Variants in RALGPS1 observed in about 807,000 individuals in gnomAD.
RALGPS1 encodes ras-specific guanine nucleotide-releasing factor RalGPS1.
In RALGPS1, 19 loss-of-function variants were observed where a neutral mutation model predicts 78.8. The ratio of observed to expected loss-of-function variants is 0.24; its 90% CI spans 0.17 to 0.35. RALGPS1 has a LOEUF of 0.35. Among genes scored for constraint, RALGPS1 ranks in the 10% least tolerant of loss-of-function variants. RALGPS1 has a pLI of 1.00. For missense variants in RALGPS1, 454 were observed against 688.3 expected, an observed-to-expected ratio of 0.66 and a Z score of 3.81; for synonymous variants, 228 against 256.3, an observed-to-expected ratio of 0.89 and a Z score of 1.06.
In RALGPS1 at chr9:127,081,813, A is replaced by G. The variant is rs368945124; in HGVS notation, c.610+12457A>G. Among the ~76,000 whole-genome samples the G allele has an allele frequency of 9.6e-4, 146 of 152,296 alleles. 6 individuals are homozygous for G. The South Asian group carries it at 0.028, about 29-fold the overall frequency. ...AGCTGGATTTATTAATATCATGACC[A>G]TCAGCAAGCACAGCATGGGACAGGC... On this transcript the variant is annotated intron_variant, in intron 8 of 18. Coordinates refer to ENST00000259351, the MANE Select transcript of RALGPS1 (RefSeq NM_014636.3).
intron 4 of RALGPS1, among the ~76,000 whole-genome samples, chr9:127,033,945 C>A (rs890592217): frequency 1.3e-5 from 2 of 152,232 alleles, no homozygotes; most frequent in African/African-American, 4.8e-5. Context: ...AATCTGAGGT[C>A]ATACCAGAAG....
At position 127,091,954 on chromosome 9, in the gene RALGPS1, A is replaced by G; in HGVS notation, c.610+22598A>G. Reference sequence around the variant, plus strand: ...CCCAAACCCTTGCTGGGGAAAACCCAGGAGAGTGTTAATGTGGAGCCTGCA... The same window carrying G: ...CCCAAACCCTTGCTGGGGAAAACCCGGGAGAGTGTTAATGTGGAGCCTGCA... On this transcript the variant is annotated intron_variant, in intron 8 of 18. Coordinates refer to ENST00000259351, the MANE Select transcript of RALGPS1 (RefSeq NM_014636.3). The surrounding 1 kb of genome is among the most constrained non-coding windows in gnomAD (Gnocchi z 4.3). The G allele has an allele frequency of 1.2e-6, 2 of 1,612,724 alleles. No individual in the cohort carries two copies. The highest frequency in any genetic ancestry group is 1.7e-6 in the Non-Finnish European group (2 of 1,179,030).
chr9:127,153,301 C>T (rs1215070444), intron 8 of RALGPS1, among the ~76,000 whole-genome samples: 1 of 151,834 alleles, frequency 6.6e-6, no homozygotes. Context: ...GTCTCACTCA[C>T]CTCTTGATTC....
intron 1 of RALGPS1, among the ~76,000 whole-genome samples, chr9:126,961,336 GTAATGATAGGACC>G (rs1181275587): frequency 6.6e-6 from 1 of 152,168 alleles, no homozygotes; most frequent in East Asian, 1.9e-4. Flanking sequence ...GCAATAGGGT[GTAATGATAGGACC>G]TACTTCAGGA....
intron 8 of RALGPS1, among the ~76,000 whole-genome samples, chr9:127,085,481 C>G (rs1215393850): frequency 3.3e-5 from 5 of 152,178 alleles, no homozygotes; most frequent in African/African-American, 1.2e-4. Context: ...GGACAGAGCC[C>G]TCCTGCCCCA....
At chr9:127,017,456 A>G (rs2044959961) in intron 4 of RALGPS1, among the ~76,000 whole-genome samples, 1 of 152,274 alleles carries the variant, frequency 6.6e-6, no homozygotes, top group Non-Finnish European at 1.5e-5. Flanking sequence ...TTCCAAGACT[A>G]GAAGTTGTTC....
chr9:127,193,594 T>C (rs922921044), intron 11 of RALGPS1, among the ~76,000 whole-genome samples: 3 of 152,108 alleles, frequency 2.0e-5, no homozygotes, highest in African/African-American at 7.2e-5. Context: ...CTTCCCACAG[T>C]ATACGGGCTG....
chr9:127,004,458 T>G (rs549329503), intron 4 of RALGPS1, among the ~76,000 whole-genome samples: 1 of 152,364 alleles, frequency 6.6e-6, no homozygotes, highest in Non-Finnish European at 1.5e-5. Context: ...AACAATCTTC[T>G]GTGGAAACAT....
chr9:126,962,494 G>T, intron 2 of RALGPS1, 148 bp downstream of exon 2: 1 of 799,684 alleles, frequency 1.3e-6, no homozygotes, highest in Non-Finnish European at 2.0e-6. Flanking sequence ...CATGCCAGGC[G>T]TGAGATTTGG....
chr9:126,991,181 C>T (rs889400914), intron 4 of RALGPS1, among the ~76,000 whole-genome samples: 2 of 152,156 alleles, frequency 1.3e-5, no homozygotes, highest in Admixed American at 1.3e-4. Context: ...AGTTTCTTGT[C>T]ACAGTGGAAA....
At chr9:127,159,868 T>G (rs1014108536) in intron 8 of RALGPS1, among the ~76,000 whole-genome samples, 1 of 152,256 alleles carries the variant, frequency 6.6e-6, no homozygotes, top group Admixed American at 6.5e-5. Flanking sequence ...GAAAGTGATC[T>G]TTTTAAGGCA....
At chr9:127,016,644 C>A (rs1362374457) in intron 4 of RALGPS1, 4 of 152,226 alleles carry the variant, frequency 2.6e-5, no homozygotes. Flanking sequence ...ATGACAAGCC[C>A]TACCTCCTTT....
At chr9:127,180,788 C>G (rs911572259) in intron 11 of RALGPS1, among the ~76,000 whole-genome samples, 1 of 152,248 alleles carries the variant, frequency 6.6e-6, no homozygotes, top group African/African-American at 2.4e-5. Flanking sequence ...CATGCATAGA[C>G]TCTGTCGGTC....
intron 1 of RALGPS1, among the ~76,000 whole-genome samples, chr9:126,926,498 CAG>C (rs2035295030): frequency 6.6e-6 from 1 of 152,024 alleles, no homozygotes; most frequent in Non-Finnish European, 1.5e-5. Flanking sequence ...GGATGGTGGA[CAG>C]TGTGGTGTTG....
intron 11 of RALGPS1, among the ~76,000 whole-genome samples, chr9:127,177,632 C>A (rs992441571): frequency 2.6e-5 from 4 of 152,184 alleles, no homozygotes; most frequent in Non-Finnish European, 4.4e-5. Flanking sequence ...GCTCCCGCTG[C>A]TAGGGGTAGG....
intron 11 of RALGPS1, 27 bp downstream of exon 11, chr9:127,174,809 A>T (rs750018304): frequency 3.1e-6 from 5 of 1,601,578 alleles, no homozygotes; most frequent in Non-Finnish European, 4.3e-6. Flanking sequence ...GAGTGGGAGC[A>T]AACCCACTTA....
chr9:127,183,816 G>A lies in RALGPS1; in HGVS notation c.910+9034G>A. 6.7e-7 allele frequency: 1 copy of A among 1,490,880 alleles called. No homozygotes were observed. Among genetic ancestry groups the A allele is most frequent in the Non-Finnish European group, 9.0e-7 (1 of 1,110,454 alleles). 92.4% of individuals were successfully genotyped at this position (1,490,880 alleles called of 1,614,324 possible). On this transcript the variant is annotated intron_variant, in intron 11 of 18. Coordinates refer to ENST00000259351, the MANE Select transcript of RALGPS1 (RefSeq NM_014636.3). This position sits in a 1 kb window ranked among gnomAD's most constrained non-coding sequence, Gnocchi z 4.0. ...CTCCATGAGGACCTCAGGGATAGGA[G>A]GCCAGTTGTGGCCCATTACTCTGGG...
chr9:126,933,533 T>C (rs544743679), intron 1 of RALGPS1, among the ~76,000 whole-genome samples: 4 of 151,874 alleles, frequency 2.6e-5, no homozygotes, highest in African/African-American at 9.7e-5. Context: ...CAGCTGGGAG[T>C]GCACCCCAAG....
chr9:127,088,825 C>A, intron 8 of RALGPS1: 2 of 1,243,480 alleles, frequency 1.6e-6, no homozygotes, highest in South Asian at 1.4e-5. Context: ...ATCCAGCATC[C>A]CGGTCCTCCC....
Sources: gnomAD v4.1 joint callset for allele counts (sites outside exome capture counted in the v4.1 genomes callset) on GRCh38, gnomAD v4.1.1 for gene constraint, Gnocchi (gnomAD v3.1) non-coding constraint, MANE v1.5 for transcripts, NCBI Gene and HGNC (gene_info 2026-07-23, HGNC 2026-07-21) for gene names.